TBC1D8: variants seen among roughly 807,000 people sequenced by gnomAD.
The protein encoded by TBC1D8 is BUB2-like protein 1.
TBC1D8 carries 65 observed loss-of-function variants against 118.8 expected under a neutral mutation model. The observed-to-expected ratio is 0.55, with a 90% confidence interval of 0.45 to 0.67. The LOEUF (loss-of-function observed/expected upper bound fraction) is 0.67, where lower values mean the gene tolerates loss of function less well. TBC1D8 is among the 30% of genes least tolerant of loss of function. The pLI is 0.00. For synonymous variants in TBC1D8, 566 were observed against 595.8 expected, an observed-to-expected ratio of 0.95 and a Z score of 0.73; for missense variants, 1,376 against 1,471.2, an observed-to-expected ratio of 0.94 and a Z score of 1.06.
chr2:101,054,676 T>TTTC (rs1682304224), intron 3 of TBC1D8, among the ~76,000 whole-genome samples: 4 of 112,586 alleles, frequency 3.6e-5, no homozygotes, highest in Non-Finnish European at 5.2e-5. Flanking sequence ...TCTTTTCTTT[T>TTTC]TTTTTTTTTT....
At chr2:101,137,751 T>C (rs367924589) in intron 1 of TBC1D8, among the ~76,000 whole-genome samples, 3 of 152,212 alleles carry the variant, frequency 2.0e-5, no homozygotes, top group African/African-American at 7.2e-5. Context: ...AGGGGTGTCC[T>C]ACATGCAGGC....
chr2:101,102,537 C>CA (rs145368622), intron 1 of TBC1D8, among the ~76,000 whole-genome samples: 22,844 of 137,936 alleles, frequency 0.17, 1,811 homozygotes, highest in Middle Eastern at 0.25. Context: ...GATTAAAAAC[C>CA]AAAAAAAAAA....
chr2:101,094,858 C>G (rs1676287345), intron 1 of TBC1D8, among the ~76,000 whole-genome samples: 1 of 152,150 alleles, frequency 6.6e-6, no homozygotes, highest in African/African-American at 2.4e-5. Context: ...TTTTCTCAGA[C>G]TATTCAGAGA....
chr2:101,024,247 A>G (rs1680207366), intron 15 of TBC1D8, among the ~76,000 whole-genome samples: 1 of 152,226 alleles, frequency 6.6e-6, no homozygotes, highest in African/African-American at 2.4e-5. Context: ...ATGAACTGGC[A>G]CTCAACCTCA....
At chr2:101,018,175 T>C (rs910726337) in intron 17 of TBC1D8, 11 of 391,944 alleles carry the variant, frequency 2.8e-5, no homozygotes, top group African/African-American at 2.2e-4. Flanking sequence ...TACTAATCTA[T>C]AATTATGTTT....
chr2:101,115,433 A>T (rs1361482765), intron 1 of TBC1D8, among the ~76,000 whole-genome samples: 1 of 152,166 alleles, frequency 6.6e-6, no homozygotes, highest in East Asian at 1.9e-4. Context: ...AATGCCTTCC[A>T]TTTAGGGGAA....
intron 8 of TBC1D8, among the ~76,000 whole-genome samples, chr2:101,036,821 A>G (rs1417662790): frequency 1.3e-5 from 2 of 152,270 alleles, no homozygotes; most frequent in Non-Finnish European, 2.9e-5. Context: ...AAATAAATAC[A>G]TATATTTAAC....
chr2:101,043,329 C>A (rs1681498390), intron 5 of TBC1D8, among the ~76,000 whole-genome samples: 1 of 152,226 alleles, frequency 6.6e-6, no homozygotes, highest in Non-Finnish European at 1.5e-5. Context: ...GTTCCCCAAG[C>A]TGACTATGTC....
intron 2 of TBC1D8, among the ~76,000 whole-genome samples, chr2:101,083,573 C>A (rs1675402898): frequency 2.0e-5 from 3 of 152,158 alleles, no homozygotes. Context: ...GTATCTTCTG[C>A]CAAATAATAA....
chr2:101,092,288 C>T (rs1193586893), intron 1 of TBC1D8, among the ~76,000 whole-genome samples: 4 of 152,186 alleles, frequency 2.6e-5, no homozygotes, highest in Non-Finnish European at 5.9e-5. Context: ...TATATATTTT[C>T]GGCAAGAATC....
chr2:101,023,782 T>G, intron 15 of TBC1D8: 3 of 285,284 alleles, frequency 1.1e-5, no homozygotes, highest in South Asian at 9.6e-5. Flanking sequence ...CACAAAAGTC[T>G]GAAGTAGTTC....
At chr2:101,067,796 C>CA (rs1323455911) in intron 2 of TBC1D8, among the ~76,000 whole-genome samples, 1 of 152,200 alleles carries the variant, frequency 6.6e-6, no homozygotes, top group Non-Finnish European at 1.5e-5. Context: ...CTCTCTCTTT[C>CA]ACGAAGATGC....
chr2:101,023,343 A>T (rs890357351), intron 15 of TBC1D8, among the ~76,000 whole-genome samples: 28 of 151,672 alleles, frequency 1.8e-4, no homozygotes, highest in Admixed American at 1.5e-3. Context: ...ATGGGGTTTC[A>T]CCGTGTCAGC....
At chr2:101,070,964 A>G (rs1468809946) in intron 2 of TBC1D8, among the ~76,000 whole-genome samples, 1 of 152,200 alleles carries the variant, frequency 6.6e-6, no homozygotes, top group Non-Finnish European at 1.5e-5. Flanking sequence ...AGCCTCTAAT[A>G]GATACATTGC....
intron 17 of TBC1D8, among the ~76,000 whole-genome samples, chr2:101,017,571 C>T (rs1430959628): frequency 1.3e-5 from 2 of 152,224 alleles, no homozygotes; most frequent in Non-Finnish European, 2.9e-5. Context: ...CCCTATGTGG[C>T]ACACAACAGT....
rs182796326 is a variant in TBC1D8 at position 101,089,223 on chromosome 2, T to C, written c.283+986A>G. Among the ~76,000 whole-genome samples the C allele has an allele frequency of 3.9e-4, 60 of 152,194 alleles. No individual in the cohort carries two copies. The East Asian group carries it at 0.011, about 27-fold the overall frequency. ...ATTTAATTTTTTTTTATTTAAATCTTGCTAGAGAACATGTAGAGGTGATTT... is the reference window on the plus strand; with the variant it reads ...ATTTAATTTTTTTTTATTTAAATCTCGCTAGAGAACATGTAGAGGTGATTT... On this transcript the variant is annotated intron_variant, in intron 2 of 19. Coordinates refer to ENST00000409318, the MANE Select transcript of TBC1D8 (RefSeq NM_001330348.2).
intron 1 of TBC1D8, among the ~76,000 whole-genome samples, chr2:101,134,529 C>T (rs937831731): frequency 1.3e-5 from 2 of 152,124 alleles, no homozygotes; most frequent in Admixed American, 6.5e-5. Context: ...AATCAAGGGG[C>T]TAGCAAATGT....
At chr2:101,009,381 G>A (rs968041190) in intron 19 of TBC1D8, among the ~76,000 whole-genome samples, 23 of 150,294 alleles carry the variant, frequency 1.5e-4, no homozygotes, top group Admixed American at 1.3e-3. Flanking sequence ...ACTCTAGCCT[G>A]GGCGACAGAG....
Position 101,059,411 on chromosome 2 carries a change from G to C in TBC1D8, c.402+10C>G. 6.3e-7 allele frequency: 1 copy of C among 1,595,348 alleles called. No individual in the cohort carries two copies. The highest frequency in any genetic ancestry group is 8.6e-7 in the Non-Finnish European group (1 of 1,163,286). On this transcript the variant is annotated intron_variant, in intron 3 of 19. Transcript: ENST00000409318. ...AAGATGGGGAGAAACATGAAACTCA[G>C]GGGACCTACCTTTACCTTCCCTTTG...
Sources: gnomAD v4.1 joint callset for allele counts (sites outside exome capture counted in the v4.1 genomes callset) on GRCh38, gnomAD v4.1.1 for gene constraint, MANE v1.5 for transcripts, NCBI Gene and HGNC (gene_info 2026-07-23, HGNC 2026-07-21) for gene names.